Variants in KIF26B observed in about 807,000 individuals in gnomAD.
KIF26B encodes kinesin-like protein KIF26B.
In KIF26B, 63 loss-of-function variants were observed where a neutral mutation model predicts 151.2. The ratio of observed to expected loss-of-function variants is 0.42; its 90% CI spans 0.34 to 0.51. The LOEUF (loss-of-function observed/expected upper bound fraction) is 0.51, where lower values mean the gene tolerates loss of function less well. Among genes scored for constraint, KIF26B ranks in the 20% least tolerant of loss-of-function variants. The pLI, the probability that KIF26B is intolerant of heterozygous loss-of-function variation, is 0.07. For synonymous variants in KIF26B, 1,357 were observed against 1,262.1 expected, an observed-to-expected ratio of 1.08 and a Z score of -1.59; for missense variants, 2,813 against 2,913.6, an observed-to-expected ratio of 0.97 and a Z score of 0.79.
intron 2 of KIF26B, among the ~76,000 whole-genome samples, chr1:245,240,191 A>G (rs1670189321): frequency 6.6e-6 from 1 of 151,990 alleles, no homozygotes; most frequent in African/African-American, 2.4e-5. Flanking sequence ...TTCCCGTGAA[A>G]ACCACGTGGT....
At chr1:245,307,029 G>C (rs530535523) in intron 2 of KIF26B, among the ~76,000 whole-genome samples, 5 of 152,256 alleles carry the variant, frequency 3.3e-5, no homozygotes, top group Admixed American at 3.3e-4. Flanking sequence ...AACAATGCAG[G>C]ATCAAACTTA....
chr1:245,401,857 G>A (rs1000094254), intron 3 of KIF26B, among the ~76,000 whole-genome samples: 4 of 150,546 alleles, frequency 2.7e-5, no homozygotes, highest in African/African-American at 7.5e-5. Context: ...GAGACAGAGC[G>A]AGATTCCATC....
In KIF26B at chr1:245,217,873, AT is replaced by A. The variant is rs1009355209; in HGVS notation, c.465+61193del. ...GTTGCACACCCACATGCGCCATCCC[AT>A]TTGATCATCACCAACCTGCCGGTTA... On this transcript the variant is annotated intron_variant, in intron 2 of 14. Transcript: ENST00000407071. Among the ~76,000 whole-genome samples, 28 of 152,068 alleles carry A rather than the reference AT, an allele frequency of 1.8e-4. No homozygotes were observed. The East Asian group carries it at 3.5e-3, about 19-fold the overall frequency.
chr1:245,280,165 C>T (rs1671013392), intron 2 of KIF26B, among the ~76,000 whole-genome samples: 1 of 151,872 alleles, frequency 6.6e-6, no homozygotes, highest in Admixed American at 6.6e-5. Context: ...CCCAGAACCC[C>T]CTAACAGCAG....
chr1:245,447,177 G>A (rs1306686150), intron 4 of KIF26B, among the ~76,000 whole-genome samples: 1 of 152,170 alleles, frequency 6.6e-6, no homozygotes, highest in Non-Finnish European at 1.5e-5. Flanking sequence ...TGCTGCTGTG[G>A]TGCCCGTGGC....
At chr1:245,660,042 C>T (rs142999973) in intron 10 of KIF26B, among the ~76,000 whole-genome samples, 3,887 of 151,700 alleles carry the variant, frequency 0.026, 135 homozygotes, top group African/African-American at 0.076. Context: ...GGGCGAGACT[C>T]CATCTCAGAA....
At chr1:245,529,353 C>A (rs745474355) in intron 4 of KIF26B, among the ~76,000 whole-genome samples, 3 of 152,162 alleles carry the variant, frequency 2.0e-5, no homozygotes, top group Non-Finnish European at 4.4e-5. Flanking sequence ...AAAACCACAG[C>A]ATCAGATGGT....
chr1:245,163,921 C>G (rs1377624614), intron 2 of KIF26B, among the ~76,000 whole-genome samples: 1 of 152,050 alleles, frequency 6.6e-6, no homozygotes, highest in Non-Finnish European at 1.5e-5. Context: ...AAAATTTTGT[C>G]TTCTTCAAAT....
chr1:245,538,802 G>C (rs908173478), intron 4 of KIF26B, among the ~76,000 whole-genome samples: 1 of 152,144 alleles, frequency 6.6e-6, no homozygotes, highest in African/African-American at 2.4e-5. Flanking sequence ...ACATAGGCAG[G>C]CTGGCTTGAG....
intron 2 of KIF26B, among the ~76,000 whole-genome samples, chr1:245,231,267 C>A (rs1385095081): frequency 2.0e-5 from 3 of 152,178 alleles, no homozygotes; most frequent in African/African-American, 4.8e-5. Flanking sequence ...ATAATCCCAG[C>A]ACTTTGGGAG....
intron 2 of KIF26B, among the ~76,000 whole-genome samples, chr1:245,278,236 C>T (rs1370411515): frequency 2.6e-5 from 4 of 152,114 alleles, no homozygotes; most frequent in Non-Finnish European, 5.9e-5. Flanking sequence ...GTATTGTTTC[C>T]CATGTGTCAT....
chr1:245,228,773 G>A (rs1669929469), intron 2 of KIF26B, among the ~76,000 whole-genome samples: 1 of 152,128 alleles, frequency 6.6e-6, no homozygotes, highest in African/African-American at 2.4e-5. Context: ...CTGAAATGTA[G>A]CAGGTTGCTT....
In KIF26B at chr1:245,665,584, C is replaced by G. The variant is rs549799711; in HGVS notation, c.2259-18649C>G. Reference sequence around the variant, plus strand: ...ATGTAAATTTTACACATTTCAAAAACTATAGCTTGTGCTTCTCTGGGTAGA... The same window carrying G: ...ATGTAAATTTTACACATTTCAAAAAGTATAGCTTGTGCTTCTCTGGGTAGA... On this transcript the variant is annotated intron_variant, in intron 10 of 14. Coordinates refer to ENST00000407071, the MANE Select transcript of KIF26B (RefSeq NM_018012.4). 9.2e-5 allele frequency among the ~76,000 whole-genome samples: 14 copies of G among 152,314 alleles called. No homozygotes were observed. The South Asian group carries it at 2.9e-3, about 32-fold the overall frequency.
chr1:245,631,507 G>C (rs1339064657), intron 9 of KIF26B, among the ~76,000 whole-genome samples: 1 of 152,158 alleles, frequency 6.6e-6, no homozygotes, highest in Non-Finnish European at 1.5e-5. Context: ...TTATTGGTGT[G>C]TTGTTAGATT....
intron 4 of KIF26B, among the ~76,000 whole-genome samples, chr1:245,532,412 A>T (rs1229637022): frequency 6.6e-6 from 1 of 151,448 alleles, no homozygotes; most frequent in Non-Finnish European, 1.5e-5. Context: ...TGCCCAGCTA[A>T]TTTTTTGTAT....
At chr1:245,183,080 C>T (rs529534376) in intron 2 of KIF26B, among the ~76,000 whole-genome samples, 6 of 152,266 alleles carry the variant, frequency 3.9e-5, no homozygotes, top group Non-Finnish European at 7.4e-5. Context: ...AGCATCTTTT[C>T]GTGCTTATTG....
At chr1:245,389,422 A>G (rs1572037582) in intron 3 of KIF26B, among the ~76,000 whole-genome samples, 2 of 152,152 alleles carry the variant, frequency 1.3e-5, no homozygotes, top group African/African-American at 4.8e-5. Flanking sequence ...CAAAAAAAAA[A>G]AGCCCATTTT....
intron 2 of KIF26B, among the ~76,000 whole-genome samples, chr1:245,197,844 A>T (rs1343368713): frequency 6.6e-6 from 1 of 152,188 alleles, no homozygotes; most frequent in Non-Finnish European, 1.5e-5. Flanking sequence ...ACCACCCAGG[A>T]TAATTAATGT....
At chr1:245,552,542 C>T (rs545548357) in intron 5 of KIF26B, among the ~76,000 whole-genome samples, 12 of 151,998 alleles carry the variant, frequency 7.9e-5, no homozygotes, top group Admixed American at 3.3e-4. Context: ...GGTTTCCATT[C>T]TGTTGCGATG....
Sources: allele counts gnomAD v4.1 joint callset (sites outside exome capture counted in the v4.1 genomes callset), GRCh38; gene constraint gnomAD v4.1.1; transcripts MANE v1.5; gene names NCBI Gene and HGNC (gene_info 2026-07-23, HGNC 2026-07-21).